MZT2A: variants seen among roughly 807,000 people sequenced by gnomAD.
MZT2A encodes the protein mitotic-spindle organizing protein 2A.
Under a neutral mutation model 12.4 loss-of-function variants are expected in MZT2A, and 8 were observed. The ratio of observed to expected loss-of-function variants is 0.64; its 90% CI spans 0.38 to 1.16. MZT2A has a LOEUF of 1.16. MZT2A is among the 50% of genes most tolerant of loss of function. MZT2A has a pLI of 0.01. For missense variants in MZT2A, 181 were observed against 223.6 expected, an observed-to-expected ratio of 0.81 and a Z score of 1.22; for synonymous variants, 88 against 107.5, an observed-to-expected ratio of 0.82 and a Z score of 1.12.
intron 2 of MZT2A, among the ~76,000 whole-genome samples, chr2:131,485,424 T>C (rs1409729392): frequency 1.3e-5 from 2 of 152,120 alleles, no homozygotes; most frequent in East Asian, 3.9e-4. Flanking sequence ...GCCAAATTCC[T>C]TGCACCCTCA....
intron 2 of MZT2A, chr2:131,478,618 G>C (rs746606689): frequency 2.8e-5 from 20 of 719,260 alleles, no homozygotes; most frequent in Non-Finnish European, 4.2e-5. Context: ...CCAGCAGTAA[G>C]ATGGGCTGTG....
chr2:131,487,745 T>A (rs146376550), intron 2 of MZT2A, among the ~76,000 whole-genome samples: 1 of 152,238 alleles, frequency 6.6e-6, no homozygotes, highest in Non-Finnish European at 1.5e-5. Flanking sequence ...TGTGAACCAA[T>A]GCCCAGCCTC....
chr2:131,478,687 G>A (rs1559347432), intron 2 of MZT2A: 3 of 514,196 alleles, frequency 5.8e-6, no homozygotes, highest in Non-Finnish European at 3.4e-6. Flanking sequence ...GCAGGGTGCA[G>A]TGGCATTGGT....
chr2:131,487,886 C>A lies in MZT2A; in HGVS notation c.320-3668G>T, dbSNP rs376773331. On this transcript the variant is annotated intron_variant, in intron 2 of 2. Transcript: ENST00000309451. Reference sequence around the variant, plus strand: ...GGCTCAAGCAATCCTCCAACCTCAGCCTCCCAAGTAGTTGGAACTACAGAT... The same window carrying A: ...GGCTCAAGCAATCCTCCAACCTCAGACTCCCAAGTAGTTGGAACTACAGAT... Among the ~76,000 whole-genome samples, 37 of 152,334 alleles carry A rather than the reference C, an allele frequency of 2.4e-4. No individual in the cohort carries two copies. In the East Asian group the frequency reaches 5.0e-3, roughly 21 times the overall value.
intron 2 of MZT2A, chr2:131,476,254 C>T: frequency 6.2e-7 from 1 of 1,613,406 alleles, no homozygotes; most frequent in South Asian, 1.1e-5. Flanking sequence ...ACGAAGTTGG[C>T]CTCGGGTGGA....
chr2:131,478,343 C>T (rs750560063), intron 2 of MZT2A: 36 of 1,613,840 alleles, frequency 2.2e-5, no homozygotes, highest in African/African-American at 1.9e-4. Flanking sequence ...CTGGCAAGCA[C>T]GTGCCCAGAG....
At chr2:131,473,140 C>A (rs1404837663) in intron 2 of MZT2A, among the ~76,000 whole-genome samples, 1 of 151,944 alleles carries the variant, frequency 6.6e-6, no homozygotes, top group African/African-American at 2.4e-5. Context: ...GCCTCTGGGG[C>A]TTTTAGCCTC....
At chr2:131,476,063 G>A (rs547817403) in intron 2 of MZT2A, 14 of 1,523,716 alleles carry the variant, frequency 9.2e-6, no homozygotes, top group African/African-American at 2.8e-5. Context: ...CAGGAACTCC[G>A]AGCCAATGGC....
chr2:131,491,099 C>G, intron 2 of MZT2A: 1 of 766,368 alleles, frequency 1.3e-6, no homozygotes, highest in Non-Finnish European at 2.2e-6. Context: ...CAGCTCTGGG[C>G]CTCCTTCCAT....
intron 2 of MZT2A, chr2:131,490,836 A>T: frequency 6.5e-7 from 1 of 1,549,986 alleles, no homozygotes; most frequent in Non-Finnish European, 8.7e-7. Context: ...TGCGGGCTGG[A>T]GGAAAACGAG....
chr2:131,480,691 C>T (rs763283112), downstream of MZT2A: 8 of 1,613,700 alleles, frequency 5.0e-6, no homozygotes, highest in Non-Finnish European at 6.8e-6. Flanking sequence ...GCGGCCATCG[C>T]CACCATCAAG....
downstream of MZT2A, among the ~76,000 whole-genome samples, chr2:131,481,865 C>A (rs968638105): frequency 6.6e-6 from 1 of 152,246 alleles, no homozygotes; most frequent in African/African-American, 2.4e-5. Flanking sequence ...CACACCTGGC[C>A]TGATGTTGTC....
chr2:131,482,123 C>T (rs2261370), downstream of MZT2A, among the ~76,000 whole-genome samples: 1 of 152,200 alleles, frequency 6.6e-6, no homozygotes, highest in Admixed American at 6.5e-5. Context: ...GTGGCTTGTT[C>T]TGTGGGTCAG....
chr2:131,487,806 A>T (rs1174072024), intron 2 of MZT2A, among the ~76,000 whole-genome samples: 1 of 152,130 alleles, frequency 6.6e-6, no homozygotes, highest in Non-Finnish European at 1.5e-5. Flanking sequence ...TCACTCTCTC[A>T]CCCAGGCTGG....
intron 2 of MZT2A, chr2:131,489,989 G>A: frequency 1.0e-6 from 1 of 976,600 alleles, no homozygotes; most frequent in African/African-American, 1.7e-5. Flanking sequence ...CCTCCTGCTG[G>A]ACACTTGCCC....
upstream of MZT2A, chr2:131,492,783 G>GC (rs1194109877): frequency 6.9e-4 from 924 of 1,342,252 alleles, 15 homozygotes; most frequent in Admixed American, 0.019. Flanking sequence ...TCGCTCTTCG[G>GC]GGGGGGTGGG....
At chr2:131,469,854 A>T (rs1406974864) in intron 4 of MZT2A, 3 of 141,086 alleles carry the variant, frequency 2.1e-5, no homozygotes, top group African/African-American at 3.1e-5. Context: ...CCCAGGCTGG[A>T]GTGCAGTGGC....
At chr2:131,492,487 G>T (rs1356808643), upstream of MZT2A, 4 of 1,131,898 alleles carry the variant, frequency 3.5e-6, no homozygotes, top group Non-Finnish European at 4.3e-6. Context: ...GCCCTGGCGG[G>T]AGCGGCGGGA....
chr2:131,472,912 T>TCCCCC (rs1377041811), intron 2 of MZT2A, among the ~76,000 whole-genome samples: 44 of 149,398 alleles, frequency 2.9e-4, no homozygotes, highest in African/African-American at 1.0e-3. Flanking sequence ...CTGAATGGTG[T>TCCCCC]CCCCCCCCAC....
Sources: gnomAD v4.1 joint callset for allele counts (sites outside exome capture counted in the v4.1 genomes callset) on GRCh38, gnomAD v4.1.1 for gene constraint, MANE v1.5 for transcripts, NCBI Gene and HGNC (gene_info 2026-07-23, HGNC 2026-07-21) for gene names.